Variants in UBP1 observed in about 807,000 individuals in gnomAD.
UBP1 encodes upstream-binding protein 1.
A neutral mutation model predicts 76.1 loss-of-function variants in UBP1; 22 were observed. That is an observed-to-expected ratio of 0.29 (90% confidence interval 0.21 to 0.41). UBP1 has a LOEUF of 0.41. Ranked by LOEUF, UBP1 falls within the 10% of genes least tolerant of loss-of-function variation. The probability of loss-of-function intolerance (pLI) is 1.00; values close to 1 mark genes in which losing one functional copy is unlikely to be tolerated. For missense variants in UBP1, 436 were observed against 668.1 expected (o/e 0.65, Z 3.83); for synonymous variants, 224 against 237.1 (o/e 0.94, Z 0.51).
chr3:33,434,292 T>C (rs1391554830), intron 1 of UBP1, among the ~76,000 whole-genome samples: 1 of 119,852 alleles, frequency 8.3e-6, no homozygotes, highest in Non-Finnish European at 1.7e-5. Context: ...GCAAATCCTT[T>C]TTTTTTTTTT....
At chr3:33,434,084 T>C (rs1223686858) in intron 1 of UBP1, among the ~76,000 whole-genome samples, 1 of 151,990 alleles carries the variant, frequency 6.6e-6, no homozygotes. Flanking sequence ...GGAGACCATA[T>C]CAATAAACCA....
At chr3:33,409,817 T>C (rs2044523875) in intron 5 of UBP1, among the ~76,000 whole-genome samples, 1 of 152,198 alleles carries the variant, frequency 6.6e-6, no homozygotes, top group Admixed American at 6.5e-5. Context: ...CTTTCTGAGC[T>C]CTTGCCCATC....
intron 1 of UBP1, among the ~76,000 whole-genome samples, chr3:33,431,765 A>C (rs2045118248): frequency 6.6e-6 from 1 of 151,676 alleles, no homozygotes; most frequent in African/African-American, 2.4e-5. Context: ...AAACGAAAAA[A>C]GACAGCTCCA....
intron 5 of UBP1, among the ~76,000 whole-genome samples, 154 bp downstream of exon 5, chr3:33,411,427 C>G (rs1242088044): frequency 6.6e-6 from 1 of 152,002 alleles, no homozygotes; most frequent in Admixed American, 6.6e-5. Flanking sequence ...ATAGGGTGAA[C>G]TTACTAGATT....
At chr3:33,408,387 A>AGAGGGAGGGAAG (rs1289722731) in intron 8 of UBP1, among the ~76,000 whole-genome samples, 1 of 152,204 alleles carries the variant, frequency 6.6e-6, no homozygotes, top group South Asian at 2.1e-4. Flanking sequence ...TGTGAAGGAG[A>AGAGGGAGGGAAG]GAGGGAGGGA....
intron 1 of UBP1, among the ~76,000 whole-genome samples, chr3:33,433,761 CA>C (rs1398095399): frequency 6.6e-6 from 1 of 152,026 alleles, no homozygotes; most frequent in Non-Finnish European, 1.5e-5. Flanking sequence ...TCAATTCAGT[CA>C]TGAAGCTGGG....
chr3:33,396,779 C>A (rs1017927248), intron 12 of UBP1: 1 of 624,374 alleles, frequency 1.6e-6, no homozygotes, highest in Non-Finnish European at 3.0e-6. Flanking sequence ...GGCAACAAAC[C>A]CAGTCGTCTT....
chr3:33,425,998 TATATA>T (rs2045006593), intron 1 of UBP1, among the ~76,000 whole-genome samples: 1 of 29,030 alleles, frequency 3.4e-5, no homozygotes. Context: ...CAGCTCTGAA[TATATA>T]TATATATATA....
chr3:33,429,343 G>A (rs182517079), intron 1 of UBP1, among the ~76,000 whole-genome samples: 42 of 151,954 alleles, frequency 2.8e-4, no homozygotes, highest in African/African-American at 9.7e-4. Flanking sequence ...TAAAAGTAGG[G>A]TGTTTCTTTA....
intron 8 of UBP1, among the ~76,000 whole-genome samples, chr3:33,404,953 A>G (rs2044377547): frequency 6.6e-6 from 1 of 152,168 alleles, no homozygotes; most frequent in African/African-American, 2.4e-5. Context: ...TAATATTTCT[A>G]TTTTTACATG....
At chr3:33,420,210 G>A (rs1305051536) in intron 2 of UBP1, among the ~76,000 whole-genome samples, 2 of 152,140 alleles carry the variant, frequency 1.3e-5, no homozygotes, top group African/African-American at 4.8e-5. Flanking sequence ...TAACCAGGAG[G>A]AAATCTACTG....
chr3:33,394,865 T>C (rs1315972193), intron 13 of UBP1, among the ~76,000 whole-genome samples: 1 of 151,078 alleles, frequency 6.6e-6, no homozygotes, highest in African/African-American at 2.4e-5. Context: ...AACAGCCTTA[T>C]CTACAATTTA....
At chr3:33,407,807 A>T (rs2044467464) in intron 8 of UBP1, among the ~76,000 whole-genome samples, 1 of 152,272 alleles carries the variant, frequency 6.6e-6, no homozygotes, top group Non-Finnish European at 1.5e-5. Context: ...CAGTGAATAC[A>T]GCAGTCACGA....
At chr3:33,396,482 C>T (rs991121753) in intron 12 of UBP1, 7 of 507,102 alleles carry the variant, frequency 1.4e-5, no homozygotes, top group Non-Finnish European at 2.5e-5. Flanking sequence ...ATATGATGAT[C>T]CAGACTCTAA....
chr3:33,404,398 C>T (rs561994272), intron 8 of UBP1, among the ~76,000 whole-genome samples: 6 of 151,010 alleles, frequency 4.0e-5, no homozygotes, highest in East Asian at 2.0e-4. Flanking sequence ...GGTGACAGAG[C>T]GAGATTCCAT....
intron 12 of UBP1, chr3:33,396,700 A>C: frequency 4.1e-6 from 2 of 485,648 alleles, no homozygotes; most frequent in Non-Finnish European, 7.9e-6. Context: ...ATAACTGTTT[A>C]GTAATAGTCA....
chr3:33,415,261 A>G (rs900109912), intron 3 of UBP1, among the ~76,000 whole-genome samples: 2 of 152,214 alleles, frequency 1.3e-5, no homozygotes, highest in African/African-American at 4.8e-5. Flanking sequence ...GACAAAGACA[A>G]TTGCTTCAGA....
At chr3:33,437,447 C>T (rs1172110865) in intron 1 of UBP1, among the ~76,000 whole-genome samples, 1 of 152,212 alleles carries the variant, frequency 6.6e-6, no homozygotes. Flanking sequence ...TGACAGAAGC[C>T]ATTTCTTCCT....
chr3:33,424,038 C>T (rs2044966697), intron 2 of UBP1, among the ~76,000 whole-genome samples: 1 of 152,226 alleles, frequency 6.6e-6, no homozygotes, highest in Admixed American at 6.5e-5. Flanking sequence ...TGTAACAGAA[C>T]TTAATCGACT....
Sources: gnomAD v4.1 joint callset for allele counts (sites outside exome capture counted in the v4.1 genomes callset) on GRCh38, gnomAD v4.1.1 for gene constraint, MANE v1.5 for transcripts, NCBI Gene and HGNC (gene_info 2026-07-23, HGNC 2026-07-21) for gene names.